Variants in AFAP1 observed in about 807,000 individuals in gnomAD.
AFAP1 encodes the protein actin filament-associated protein 1.
AFAP1 carries 75 observed loss-of-function variants against 93.9 expected under a neutral mutation model. The observed-to-expected ratio is 0.80, with a 90% CI of 0.66 to 0.97. AFAP1 has a LOEUF of 0.97. AFAP1 is among the 50% of genes least tolerant of loss of function. The pLI is 0.00. For missense variants in AFAP1, 1,201 were observed against 1,050.8 expected, an observed-to-expected ratio of 1.14 and a Z score of -1.98; for synonymous variants, 517 against 430.7, an observed-to-expected ratio of 1.20 and a Z score of -2.48.
chr4:7,921,815 C>T (rs1560237795), intron 1 of AFAP1, among the ~76,000 whole-genome samples: 1 of 152,184 alleles, frequency 6.6e-6, no homozygotes, highest in South Asian at 2.1e-4. Flanking sequence ...CTTATGCCAA[C>T]ATCTGTGTTT....
intron 17 of AFAP1, 28 bp downstream of exon 17, chr4:7,768,816 C>T (rs1236929901): frequency 6.5e-7 from 1 of 1,542,424 alleles, no homozygotes; most frequent in Admixed American, 1.9e-5. Flanking sequence ...CCCAGGACAC[C>T]CAGACACCCC....
At chr4:7,926,275 T>C (rs1720730663) in intron 1 of AFAP1, among the ~76,000 whole-genome samples, 1 of 152,222 alleles carries the variant, frequency 6.6e-6, no homozygotes, top group Admixed American at 6.5e-5. Flanking sequence ...CAGACTTACA[T>C]GTGCCATAAT....
intron 12 of AFAP1, among the ~76,000 whole-genome samples, chr4:7,784,018 G>A (rs1717029557): frequency 2.0e-5 from 3 of 152,170 alleles, no homozygotes; most frequent in Non-Finnish European, 2.9e-5. Context: ...AGAAGAGCAG[G>A]TCCCACCTGA....
Position 7,777,695 on chromosome 4 carries a change from G to A in AFAP1, c.1897+1067C>T, listed in dbSNP as rs945061172. On this transcript the variant is annotated intron_variant, in intron 14 of 17. Coordinates refer to ENST00000420658, the MANE Select transcript of AFAP1 (RefSeq NM_001134647.2). ...TGCAAATCCCAAGTGGCGATGGCAT[G>A]TAACCACATCAAACTCAACATCTGC... The A allele has an allele frequency of 4.6e-5, 7 of 152,208 alleles. No individual in the cohort carries two copies. In the South Asian group the frequency reaches 1.4e-3, roughly 31 times the overall value. The allele number at this position is 152,208 out of a possible 1,614,324, so 9.4% of individuals were successfully genotyped here.
intron 1 of AFAP1, among the ~76,000 whole-genome samples, chr4:7,892,846 AG>A (rs1718549360): frequency 6.6e-6 from 1 of 152,042 alleles, no homozygotes; most frequent in Non-Finnish European, 1.5e-5. Context: ...GTGGTGGGGG[AG>A]CAGCGGGGTG....
intron 10 of AFAP1, among the ~76,000 whole-genome samples, chr4:7,796,756 A>C (rs1422669922): frequency 7.1e-6 from 1 of 141,044 alleles, no homozygotes; most frequent in African/African-American, 2.7e-5. Flanking sequence ...TCTCAAAAAA[A>C]AAAAAACAAA....
chr4:7,792,639 C>T (rs940648488), intron 11 of AFAP1, among the ~76,000 whole-genome samples: 1 of 152,080 alleles, frequency 6.6e-6, no homozygotes, highest in African/African-American at 2.4e-5. Context: ...ATGAGCACCT[C>T]ACTTGTCTGA....
intron 17 of AFAP1, among the ~76,000 whole-genome samples, chr4:7,765,753 C>T (rs946516531): frequency 6.6e-6 from 1 of 152,234 alleles, no homozygotes; most frequent in Admixed American, 6.5e-5. Context: ...GACGCCAGGG[C>T]CAGACCTTCT....
At chr4:7,854,881 T>G (rs1286696829) in intron 4 of AFAP1, among the ~76,000 whole-genome samples, 1 of 152,180 alleles carries the variant, frequency 6.6e-6, no homozygotes, top group Non-Finnish European at 1.5e-5. Flanking sequence ...TCATGCTTCA[T>G]CCGCACTTGA....
intron 11 of AFAP1, among the ~76,000 whole-genome samples, chr4:7,790,753 T>C (rs949596933): frequency 6.6e-6 from 1 of 152,192 alleles, no homozygotes; most frequent in East Asian, 1.9e-4. Context: ...TTAGAAAGAA[T>C]ATAATTAAAC....
At chr4:7,938,337 T>C (rs1721515148) in intron 1 of AFAP1, among the ~76,000 whole-genome samples, 2 of 152,202 alleles carry the variant, frequency 1.3e-5, no homozygotes, top group Admixed American at 1.3e-4. Flanking sequence ...TTTGGACTCC[T>C]TGAGCCTTCT....
intron 1 of AFAP1, among the ~76,000 whole-genome samples, chr4:7,921,948 C>A (rs1029771945): frequency 6.6e-6 from 1 of 152,126 alleles, no homozygotes; most frequent in African/African-American, 2.4e-5. Flanking sequence ...CATGGTGAAA[C>A]CCCGTCTCTA....
intron 2 of AFAP1, among the ~76,000 whole-genome samples, chr4:7,871,737 C>T (rs575497694): frequency 3.9e-5 from 6 of 152,330 alleles, no homozygotes; most frequent in East Asian, 1.9e-4. Context: ...TCCCAAAACA[C>T]GATTCCATTA....
chr4:7,861,701 G>T (rs1360722781), intron 3 of AFAP1, among the ~76,000 whole-genome samples: 5 of 152,214 alleles, frequency 3.3e-5, no homozygotes, highest in African/African-American at 1.2e-4. Flanking sequence ...GGATAGAGTG[G>T]AATCCAGCCA....
chr4:7,894,303 A>G (rs2149210545), intron 1 of AFAP1, among the ~76,000 whole-genome samples: 1 of 152,314 alleles, frequency 6.6e-6, no homozygotes, highest in South Asian at 2.1e-4. Context: ...GTGTCGCAAC[A>G]AGAGTCTAAA....
chr4:7,788,354 C>T (rs571964250), intron 11 of AFAP1, among the ~76,000 whole-genome samples: 4 of 152,334 alleles, frequency 2.6e-5, no homozygotes, highest in Non-Finnish European at 5.9e-5. Flanking sequence ...AGCGTAGCCT[C>T]GGGAGGTACC....
At chr4:7,915,486 AAAG>A (rs1223060104) in intron 1 of AFAP1, among the ~76,000 whole-genome samples, 57 of 152,072 alleles carry the variant, frequency 3.7e-4, no homozygotes, top group Admixed American at 1.9e-3. Flanking sequence ...CTAAAAAAAA[AAAG>A]AAGAAGAAGA....
intron 11 of AFAP1, among the ~76,000 whole-genome samples, chr4:7,787,590 G>A (rs1168956669): frequency 6.6e-6 from 1 of 152,158 alleles, no homozygotes; most frequent in Non-Finnish European, 1.5e-5. Flanking sequence ...CACCCAGCTG[G>A]TGCCCACAGA....
intron 4 of AFAP1, among the ~76,000 whole-genome samples, chr4:7,848,140 G>A (rs535312385): frequency 7.6e-6 from 1 of 132,328 alleles, no homozygotes; most frequent in Non-Finnish European, 1.6e-5. Context: ...AGTGAGTGAG[G>A]GAGTGAACAG....
Sources: gnomAD v4.1 joint callset for allele counts (sites outside exome capture counted in the v4.1 genomes callset) on GRCh38, gnomAD v4.1.1 for gene constraint, MANE v1.5 for transcripts, NCBI Gene and HGNC (gene_info 2026-07-23, HGNC 2026-07-21) for gene names.